Variants in XPO5 observed in about 807,000 individuals in gnomAD.
The protein encoded by XPO5 is exportin-5.
Under a neutral mutation model 160.6 loss-of-function variants are expected in XPO5, and 46 were observed. The observed-to-expected ratio is 0.29, with a 90% confidence interval of 0.23 to 0.37. The LOEUF (loss-of-function observed/expected upper bound fraction) is 0.37, where lower values mean the gene tolerates loss of function less well. Ranked by LOEUF, XPO5 falls within the 10% of genes least tolerant of loss-of-function variation. The probability of loss-of-function intolerance (pLI) is 1.00; values close to 1 mark genes in which losing one functional copy is unlikely to be tolerated. For missense variants in XPO5, 1,090 were observed against 1,463.9 expected, an observed-to-expected ratio of 0.74 and a Z score of 4.17; for synonymous variants, 537 against 519.3, an observed-to-expected ratio of 1.03 and a Z score of -0.46.
Position 43,572,555 on chromosome 6 carries a change from C to T in XPO5, c.251G>A (p.Arg84Gln), listed in dbSNP as rs778526704. The T allele has an allele frequency of 2.5e-6, 4 of 1,613,798 alleles. No homozygotes were observed. The highest frequency in any genetic ancestry group is 1.3e-5 in the African/African-American group (1 of 74,906). ...VVKFRWNGMS[R>Q]LEKVYLKNSV... is the part of the protein sequence containing the mutation. ...GTTCTTCAGATACACCTTCTCCAAT[C>T]GAGACATGCCGTTCCACCGAAACCT... Residue 84 changes from arginine to glutamine, a missense_variant, in exon 3 of 32, where the codon CGA becomes CAA. By Grantham distance (43) the Arg-to-Gln change is conservative. This residue lies in a region of XPO5 where 170 missense variants were observed against 227.0 expected (regional missense o/e 0.75). Transcript: ENST00000265351.
At chr6:43,537,148 T>A (rs954330577) in intron 20 of XPO5, among the ~76,000 whole-genome samples, 1 of 151,400 alleles carries the variant, frequency 6.6e-6, no homozygotes, top group Non-Finnish European at 1.5e-5. Context: ...AACTTTTTTT[T>A]TTTTTTTTGT....
At position 43,538,829 on chromosome 6, in the gene XPO5, G is replaced by A. The variant is rs553606383; in HGVS notation, c.2343-4822C>T. 8.8e-6 allele frequency: 10 copies of A among 1,134,970 alleles called. No individual in the cohort carries two copies. The African/African-American group carries it at 1.4e-4, about 16-fold the overall frequency. 70.3% of individuals were successfully genotyped at this position (1,134,970 alleles called of 1,614,324 possible). On this transcript the variant is annotated intron_variant, in intron 20 of 31. Transcript: ENST00000265351. ...TTTTCTTGTATAAAAACCCTATGTT[G>A]TAGCCACAGCTGGAGCCTGGGTCTG...
chr6:43,523,315 T>C lies in XPO5; in HGVS notation c.*553A>G, dbSNP rs1207991641. 2 of 235,294 alleles carry C rather than the reference T, an allele frequency of 8.5e-6. No individual in the cohort carries two copies. The highest frequency in any genetic ancestry group is 4.5e-5 in the African/African-American group (2 of 44,190). The allele number at this position is 235,294 out of a possible 1,614,324, so 14.6% of individuals were successfully genotyped here. On this transcript the variant is annotated 3_prime_UTR_variant, in exon 32 of 32. Coordinates refer to ENST00000265351, the MANE Select transcript of XPO5 (RefSeq NM_020750.3). Reference sequence around the variant, plus strand: ...GACCAGATTCTTGCCCAAAGCAAAGTTGAGAGAACTGACCAAGTTCTCTTC... The same window carrying C: ...GACCAGATTCTTGCCCAAAGCAAAGCTGAGAGAACTGACCAAGTTCTCTTC...
At chr6:43,534,615 C>A (rs1018441890) in intron 20 of XPO5, among the ~76,000 whole-genome samples, 1 of 152,216 alleles carries the variant, frequency 6.6e-6, no homozygotes, top group African/African-American at 2.4e-5. Flanking sequence ...CCCCACTGAA[C>A]AAACTGATGG....
chr6:43,524,717 G>C (rs760554876), intron 30 of XPO5, 82 bp from the exon 31 acceptor site: 48 of 1,587,300 alleles, frequency 3.0e-5, no homozygotes, highest in Admixed American at 6.9e-5. Flanking sequence ...CCATTTCTCA[G>C]AGATTGCACC....
At chr6:43,543,710 T>C (rs1262879191) in intron 20 of XPO5, among the ~76,000 whole-genome samples, 1 of 152,024 alleles carries the variant, frequency 6.6e-6, no homozygotes, top group Non-Finnish European at 1.5e-5. Flanking sequence ...TCTTCCCTGT[T>C]GCCCAGGGAC....
At chr6:43,555,573 T>C (rs961197442) in intron 13 of XPO5, 12 of 268,444 alleles carry the variant, frequency 4.5e-5, no homozygotes, top group Non-Finnish European at 7.7e-5. Context: ...CAATAAATAA[T>C]TGGTTGATTC....
chr6:43,572,071 T>C (rs540030254), intron 3 of XPO5, among the ~76,000 whole-genome samples: 1 of 152,310 alleles, frequency 6.6e-6, no homozygotes, highest in Admixed American at 6.5e-5. Flanking sequence ...AATTATGCTT[T>C]CTGCTTTTGT....
chr6:43,573,979 G>A (rs1003397422), intron 1 of XPO5, among the ~76,000 whole-genome samples: 7 of 151,568 alleles, frequency 4.6e-5, no homozygotes, highest in South Asian at 2.1e-4. Context: ...ACAAGTGCAC[G>A]CCACCACACC....
At position 43,524,598 on chromosome 6, in the gene XPO5, T is replaced by A; in HGVS notation, c.3350A>T (p.Gln1117Leu). 1.9e-6 allele frequency: 3 copies of A among 1,614,004 alleles called. No homozygotes were observed. The highest frequency in any genetic ancestry group is 1.7e-6 in the Non-Finnish European group (2 of 1,179,894). The change falls in exon 31 of 32, where the codon CAA becomes CTA. Residue 1117 changes from glutamine (Q) to leucine (L), a missense_variant. Around this residue, in one of 3 missense-constraint regions of XPO5, gnomAD observed 810 missense variants for 1,139.0 expected, o/e 0.71. Transcript: ENST00000265351. ...TGAGTCCTTCTGTATTTCAGGGATT[T>A]GCTCCATTACAGCTCTTATCTCCAG... ...RYLEIRAVME[Q>L]IPEIQKDSLD...
intron 16 of XPO5, 119 bp from the exon 17 acceptor site, chr6:43,549,697 G>A (rs1481211497): frequency 8.0e-7 from 1 of 1,256,484 alleles, no homozygotes; most frequent in East Asian, 2.4e-5. Flanking sequence ...ACAACCCTAA[G>A]AGTATAATGG....
intron 10 of XPO5, 57 bp downstream of exon 10, chr6:43,560,867 T>C: frequency 7.5e-7 from 1 of 1,341,482 alleles, no homozygotes; most frequent in Non-Finnish European, 1.1e-6. Flanking sequence ...CAGGACACAG[T>C]GCTTGACATT....
intron 21 of XPO5, 29 bp from the exon 22 acceptor site, chr6:43,531,604 A>G (rs963482541): frequency 5.1e-6 from 8 of 1,582,132 alleles, no homozygotes; most frequent in Non-Finnish European, 6.9e-6. Flanking sequence ...CAAGAACATG[A>G]TGCTCCACTG....
At chr6:43,574,599 T>G (rs1044128904) in intron 1 of XPO5, among the ~76,000 whole-genome samples, 2 of 151,822 alleles carry the variant, frequency 1.3e-5, no homozygotes, top group Non-Finnish European at 2.9e-5. Flanking sequence ...TGGAAAAAAA[T>G]GGACACAAAG....
intron 20 of XPO5, among the ~76,000 whole-genome samples, chr6:43,540,811 T>C (rs2127720456): frequency 6.6e-6 from 1 of 152,266 alleles, no homozygotes; most frequent in Non-Finnish European, 1.5e-5. Context: ...TTACTGATGT[T>C]ATCACTAGTA....
chr6:43,565,318 GC>G (rs1338885205), intron 8 of XPO5, among the ~76,000 whole-genome samples: 1 of 152,118 alleles, frequency 6.6e-6, no homozygotes, highest in African/African-American at 2.4e-5. Context: ...TGTAATCCCA[GC>G]ACTTTGGGAG....
chr6:43,531,671 G>A, intron 21 of XPO5, 96 bp from the exon 22 acceptor site: 1 of 1,048,018 alleles, frequency 9.5e-7, no homozygotes, highest in Non-Finnish European at 1.5e-6. Flanking sequence ...CAGGGGTGAA[G>A]ATGTGTGCAT....
intron 15 of XPO5, 34 bp downstream of exon 15, chr6:43,551,263 CA>C (rs781089667): frequency 2.3e-5 from 35 of 1,524,544 alleles, no homozygotes; most frequent in Non-Finnish European, 2.8e-5. Context: ...TTAGAAATGT[CA>C]AAATAAAATT....
Position 43,548,335 on chromosome 6 carries a change from G to C in XPO5, c.1986C>G (p.Tyr662Ter). 1 of 1,613,570 alleles carries C rather than the reference G, an allele frequency of 6.2e-7. No homozygotes were observed. The highest frequency in any genetic ancestry group is 8.5e-7 in the Non-Finnish European group (1 of 1,179,644). The change falls in exon 18 of 32, where the codon TAC (tyrosine) becomes TAG (stop). Residue 662 changes from tyrosine (Y) to a stop codon, truncating the protein, a stop_gained. Transcript: ENST00000265351. LOFTEE classifies it high-confidence loss of function. ...CCTCTAGGAACACCTTCTGACGCTC[G>C]TAGTTCTTAAATTGGTTGCTAATGA... Reference protein sequence around the residue: ...LVLISNQFKNYERQKVFLEEL... With the variant: ...LVLISNQFKN
Sources: allele counts gnomAD v4.1 joint callset (sites outside exome capture counted in the v4.1 genomes callset), GRCh38; gene constraint gnomAD v4.1.1; regional missense constraint gnomAD v4.1.1; transcripts MANE v1.5; gene names NCBI Gene and HGNC (gene_info 2026-07-23, HGNC 2026-07-21).